PRELID2: variants seen among roughly 807,000 people sequenced by gnomAD.
The protein encoded by PRELID2 is PRELI domain containing 2.
Under a neutral mutation model 28.4 loss-of-function variants are expected in PRELID2, and 25 were observed. That is an observed-to-expected ratio of 0.88 (90% confidence interval 0.64 to 1.23). PRELID2 has a LOEUF of 1.23. Ranked by LOEUF, PRELID2 falls within the 50% of genes most tolerant of loss-of-function variation. PRELID2 has a pLI of 0.00. For missense variants in PRELID2, 201 were observed against 214.4 expected, an observed-to-expected ratio of 0.94 and a Z score of 0.39; for synonymous variants, 76 against 71.6, an observed-to-expected ratio of 1.06 and a Z score of -0.31.
intron 5 of PRELID2, among the ~76,000 whole-genome samples, chr5:145,794,777 G>C (rs1033213780): frequency 6.6e-6 from 1 of 152,082 alleles, no homozygotes; most frequent in African/African-American, 2.4e-5. Context: ...GGATCAGAAT[G>C]TACATAACCA....
At chr5:145,596,099 C>CAAAAAAAAAAAAAAAAAAAAAAAAA (rs552746530) in intron 1 of PRELID2, among the ~76,000 whole-genome samples, 6 of 43,966 alleles carry the variant, frequency 1.4e-4, no homozygotes, top group African/African-American at 3.8e-4. Flanking sequence ...GAGCCTGTCT[C>CAAAAAAAAAAAAAAAAAAAAAAAAA]AAAAAAAAAA....
chr5:145,512,381 GA>G (rs1332342331), intron 1 of PRELID2, among the ~76,000 whole-genome samples: 5 of 152,148 alleles, frequency 3.3e-5, no homozygotes, highest in Admixed American at 3.3e-4. Context: ...AATCCACCTG[GA>G]ACTTAAACTG....
the PRELID2 span, among the ~76,000 whole-genome samples, chr5:145,436,336 G>A: frequency 4.6e-5 from 7 of 152,174 alleles, no homozygotes; most frequent in East Asian, 1.4e-3. Context: ...GTCTATTGTT[G>A]ATGGGCTTTT....
chr5:145,672,533 T>C (rs1344513029), intron 1 of PRELID2, among the ~76,000 whole-genome samples: 1 of 149,770 alleles, frequency 6.7e-6, no homozygotes, highest in Non-Finnish European at 1.5e-5. Flanking sequence ...CTTCAAATGA[T>C]GAGAGCCTAT....
At chr5:145,337,048 C>A in the PRELID2 span, among the ~76,000 whole-genome samples, 2 of 150,628 alleles carry the variant, frequency 1.3e-5, no homozygotes, top group South Asian at 2.1e-4. Context: ...ACCAGCATTG[C>A]ACATGTATAC....
the PRELID2 span, among the ~76,000 whole-genome samples, chr5:145,383,356 G>A: frequency 6.1e-5 from 9 of 147,092 alleles, no homozygotes; most frequent in Non-Finnish European, 1.4e-4. Flanking sequence ...ACATACACAC[G>A]TCCATATATA....
At chr5:145,288,979 G>A in the PRELID2 span, among the ~76,000 whole-genome samples, 1 of 152,074 alleles carries the variant, frequency 6.6e-6, no homozygotes, top group Non-Finnish European at 1.5e-5. Flanking sequence ...TGCTTTTGTG[G>A]TACTTTTGCC....
chr5:145,726,937 C>A (rs1439946644), intron 1 of PRELID2, among the ~76,000 whole-genome samples: 1 of 152,158 alleles, frequency 6.6e-6, no homozygotes, highest in Non-Finnish European at 1.5e-5. Flanking sequence ...AGACCCAACA[C>A]CAGGTCATTG....
the PRELID2 span, among the ~76,000 whole-genome samples, chr5:145,288,309 T>C: frequency 2.6e-5 from 4 of 152,158 alleles, no homozygotes; most frequent in East Asian, 3.9e-4. Flanking sequence ...TCATATATAT[T>C]CATTTTTTAC....
At chr5:145,255,830 A>G in the PRELID2 span, among the ~76,000 whole-genome samples, 1 of 151,960 alleles carries the variant, frequency 6.6e-6, no homozygotes, top group African/African-American at 2.4e-5. Context: ...GAGAGTAAAA[A>G]TAATAGAACA....
intron 5 of PRELID2, among the ~76,000 whole-genome samples, chr5:145,794,814 T>A (rs954089708): frequency 2.6e-5 from 4 of 152,106 alleles, no homozygotes; most frequent in African/African-American, 9.7e-5. Context: ...CATTATTAGG[T>A]TCATCAGATT....
chr5:145,451,813 C>G, the PRELID2 span, among the ~76,000 whole-genome samples: 1 of 151,898 alleles, frequency 6.6e-6, no homozygotes. Flanking sequence ...GGACAGCTCC[C>G]AAAAGTAAAA....
chr5:145,488,234 T>C (rs950736578), intron 1 of PRELID2, among the ~76,000 whole-genome samples: 8 of 151,980 alleles, frequency 5.3e-5, no homozygotes, highest in African/African-American at 1.2e-4. Context: ...TTCAAGATGC[T>C]AGTGAGCTAG....
At chr5:145,588,706 A>G (rs1358611301) in intron 1 of PRELID2, among the ~76,000 whole-genome samples, 1 of 152,048 alleles carries the variant, frequency 6.6e-6, no homozygotes, top group African/African-American at 2.4e-5. Context: ...AATTACACTC[A>G]TGCCTTTGCC....
At chr5:145,469,496 C>T (rs1458909903), downstream of PRELID2, among the ~76,000 whole-genome samples, 1 of 151,994 alleles carries the variant, frequency 6.6e-6, no homozygotes, top group Non-Finnish European at 1.5e-5. Context: ...GTAACTGCTC[C>T]CTTACTCAGA....
intron 6 of PRELID2, among the ~76,000 whole-genome samples, chr5:145,761,513 C>G (rs750279899): frequency 2.0e-5 from 3 of 152,104 alleles, no homozygotes; most frequent in Non-Finnish European, 4.4e-5. Flanking sequence ...AGGGGTAAGA[C>G]GTGATCAAAC....
chr5:145,577,858 T>C (rs1030702612), intron 1 of PRELID2, among the ~76,000 whole-genome samples: 1 of 152,172 alleles, frequency 6.6e-6, no homozygotes, highest in African/African-American at 2.4e-5. Context: ...TATGTACTTT[T>C]TGCTTATCAT....
At chr5:145,620,989 A>T (rs1158755074) in intron 1 of PRELID2, among the ~76,000 whole-genome samples, 1 of 152,216 alleles carries the variant, frequency 6.6e-6, no homozygotes, top group African/African-American at 2.4e-5. Flanking sequence ...CAGCCTAAAG[A>T]AGAGTTGCAT....
chr5:145,245,893 A>C, the PRELID2 span, among the ~76,000 whole-genome samples: 1 of 151,972 alleles, frequency 6.6e-6, no homozygotes, highest in African/African-American at 2.4e-5. Context: ...CGTGGCACTC[A>C]ACACATTTTT....
Sources: allele counts gnomAD v4.1 joint callset (sites outside exome capture counted in the v4.1 genomes callset), GRCh38; gene constraint gnomAD v4.1.1; transcripts MANE v1.5; gene names NCBI Gene and HGNC (gene_info 2026-07-23, HGNC 2026-07-21).